Variants in POLN observed in about 807,000 individuals in gnomAD.
POLN encodes the protein DNA polymerase nu, also known as DNA polymerase N.
In POLN, 108 loss-of-function variants were observed where a neutral mutation model predicts 113.5. That is an observed-to-expected ratio of 0.95 (90% CI 0.81 to 1.12). The LOEUF is 1.12. POLN is among the 50% of genes most tolerant of loss of function. The pLI is 0.00. For synonymous variants in POLN, 386 were observed against 391.5 expected, an observed-to-expected ratio of 0.99 and a Z score of 0.17; for missense variants, 1,097 against 1,077.1, an observed-to-expected ratio of 1.02 and a Z score of -0.26.
chr4:2,126,530 C>T lies in POLN; in HGVS notation c.1982+1583G>A, dbSNP rs1047539963. Among the ~76,000 whole-genome samples the T allele has an allele frequency of 2.0e-5, 3 of 152,154 alleles. No individual in the cohort carries two copies. Among genetic ancestry groups the T allele is most frequent in the African/African-American group, 4.8e-5 (2 of 41,438 alleles). On this transcript the variant is annotated intron_variant, in intron 19 of 25. Transcript: ENST00000511885. This position sits in a 1 kb window ranked among gnomAD's most constrained non-coding sequence, Gnocchi z 4.6. ...CAGCAGGATGGACAGTAGAGCAATACATGGGAATGTGCATCGGACCAGAGA... is the reference window on the plus strand; with the variant it reads ...CAGCAGGATGGACAGTAGAGCAATATATGGGAATGTGCATCGGACCAGAGA...
Position 2,241,748 on chromosome 4 carries a change from A to G in POLN, c.-241T>C. The stretch of plus-strand genomic sequence containing the variant: ...GATACACCAGACGCGCCAGCGGCAA[A>G]ACCTTCCTTCGGAGGGTCACCCAGC... On this transcript the variant is annotated 5_prime_UTR_variant, in exon 2 of 26. Transcript: ENST00000511885. The G allele has an allele frequency of 1.0e-6, 1 of 985,484 alleles. No individual in the cohort carries two copies. Among genetic ancestry groups the G allele is most frequent in the Non-Finnish European group, 1.2e-6 (1 of 829,940 alleles). The allele number at this position is 985,484 out of a possible 1,614,324, so 61.0% of individuals were successfully genotyped here.
At chr4:2,188,425 C>G (rs530041383) in intron 7 of POLN, among the ~76,000 whole-genome samples, 2 of 152,080 alleles carry the variant, frequency 1.3e-5, no homozygotes, top group Non-Finnish European at 2.9e-5. Flanking sequence ...ACAGTGAAAC[C>G]CCATCTCTAC....
intron 3 of POLN, 34 bp downstream of exon 3, chr4:2,229,065 T>C (rs1445463464): frequency 6.5e-7 from 1 of 1,547,240 alleles, no homozygotes; most frequent in South Asian, 1.2e-5. Flanking sequence ...ATTCAAAGTA[T>C]CAAGAGAAAG....
intron 19 of POLN, among the ~76,000 whole-genome samples, chr4:2,107,469 T>C (rs1209902861): frequency 6.6e-6 from 1 of 152,112 alleles, no homozygotes; most frequent in African/African-American, 2.4e-5. Flanking sequence ...TTGTCAGCCA[T>C]TGAAGGCTTG....
At chr4:2,122,089 C>T (rs1180882342) in intron 19 of POLN, among the ~76,000 whole-genome samples, 1 of 152,118 alleles carries the variant, frequency 6.6e-6, no homozygotes, top group Admixed American at 6.5e-5. Flanking sequence ...GTAACATGCT[C>T]GTGATCTAAT....
At chr4:2,176,573 C>T (rs950783237) in intron 8 of POLN, among the ~76,000 whole-genome samples, 4 of 152,166 alleles carry the variant, frequency 2.6e-5, no homozygotes, top group Admixed American at 1.3e-4. Context: ...TCCTCCCAAC[C>T]GAGGGTATTT....
At chr4:2,198,450 AC>A in intron 6 of POLN, 73 bp downstream of exon 6, 1 of 1,329,310 alleles carries the variant, frequency 7.5e-7, no homozygotes, top group Non-Finnish European at 1.0e-6. Context: ...TTAAAACTGG[AC>A]CTTGAGCAAG....
intron 16 of POLN, among the ~76,000 whole-genome samples, chr4:2,143,226 T>C (rs1732047991): frequency 6.9e-6 from 1 of 144,108 alleles, no homozygotes; most frequent in African/African-American, 2.5e-5. Context: ...GGAAATAATA[T>C]GGAAATCGAT....
At chr4:2,226,654 CTCAG>C (rs1191418022) in intron 3 of POLN, among the ~76,000 whole-genome samples, 2 of 152,026 alleles carry the variant, frequency 1.3e-5, no homozygotes, top group East Asian at 1.9e-4. Context: ...CTTGAGTCAC[CTCAG>C]TCAGTCTAGC....
At chr4:2,103,453 T>C (rs563646315) in intron 19 of POLN, among the ~76,000 whole-genome samples, 8 of 152,254 alleles carry the variant, frequency 5.3e-5, no homozygotes, top group African/African-American at 1.7e-4. Flanking sequence ...TTTGAGATGT[T>C]TGGGACTACA....
chr4:2,228,441 C>G, intron 3 of POLN: 1 of 237,880 alleles, frequency 4.2e-6, no homozygotes, highest in South Asian at 3.6e-5. Context: ...TGGGTTCATG[C>G]CATTCTCCTG....
At chr4:2,098,734 T>C (rs1319016498) in intron 19 of POLN, among the ~76,000 whole-genome samples, 1 of 152,234 alleles carries the variant, frequency 6.6e-6, no homozygotes, top group Non-Finnish European at 1.5e-5. Flanking sequence ...ACCTGCTCAG[T>C]AGCAAAGAGC....
intron 16 of POLN, among the ~76,000 whole-genome samples, chr4:2,151,934 A>G (rs1732306448): frequency 6.6e-6 from 1 of 152,128 alleles, no homozygotes; most frequent in Non-Finnish European, 1.5e-5. Context: ...ACCAGAAGCA[A>G]TAACTTTCTC....
chr4:2,120,720 C>T (rs914163859), intron 19 of POLN, among the ~76,000 whole-genome samples: 4 of 152,132 alleles, frequency 2.6e-5, no homozygotes, highest in African/African-American at 9.7e-5. Flanking sequence ...GTCTCGAACT[C>T]CTGACCTCAG....
chr4:2,124,269 G>A (rs879514157), intron 19 of POLN, among the ~76,000 whole-genome samples: 5 of 152,028 alleles, frequency 3.3e-5, no homozygotes, highest in Admixed American at 2.0e-4. Flanking sequence ...TTAGATAGTC[G>A]TGATTGTAAC....
At chr4:2,073,803 C>T (rs1323718042) in intron 24 of POLN, among the ~76,000 whole-genome samples, 1 of 152,254 alleles carries the variant, frequency 6.6e-6, no homozygotes, top group African/African-American at 2.4e-5. Flanking sequence ...CTGGCCCCAG[C>T]AGAGCGAGGG....
At chr4:2,225,484 G>T (rs891071212) in intron 3 of POLN, among the ~76,000 whole-genome samples, 6 of 151,724 alleles carry the variant, frequency 4.0e-5, no homozygotes, top group Admixed American at 1.3e-4. Context: ...GAACCCAGGA[G>T]GGGGGGTTGC....
chr4:2,241,359 C>G (rs545818081), intron 2 of POLN, among the ~76,000 whole-genome samples, 161 bp downstream of exon 2: 112 of 152,192 alleles, frequency 7.4e-4, no homozygotes, highest in Non-Finnish European at 1.3e-3. Context: ...GTTTAAAATG[C>G]ATTACACTTT....
intron 5 of POLN, among the ~76,000 whole-genome samples, chr4:2,201,943 G>T (rs912675741): frequency 2.0e-5 from 3 of 152,080 alleles, no homozygotes; most frequent in Admixed American, 6.6e-5. Context: ...AATGAAGGAA[G>T]GATGCAGTCC....
Sources: allele counts gnomAD v4.1 joint callset (sites outside exome capture counted in the v4.1 genomes callset), GRCh38; gene constraint gnomAD v4.1.1; non-coding constraint Gnocchi (gnomAD v3.1); transcripts MANE v1.5; gene names NCBI Gene and HGNC (gene_info 2026-07-23, HGNC 2026-07-21).